EIPR1: variants seen among roughly 807,000 people sequenced by gnomAD.
EIPR1 encodes EARP complex and GARP complex interacting protein 1.
EIPR1 carries 25 observed loss-of-function variants against 48.1 expected under a neutral mutation model. The ratio of observed to expected loss-of-function variants is 0.52; its 90% CI spans 0.38 to 0.73. EIPR1 has a LOEUF of 0.73. Ranked by LOEUF, EIPR1 falls within the 30% of genes least tolerant of loss-of-function variation. The pLI is 0.00. For synonymous variants in EIPR1, 204 were observed against 201.9 expected, an observed-to-expected ratio of 1.01 and a Z score of -0.09; for missense variants, 415 against 506.2, an observed-to-expected ratio of 0.82 and a Z score of 1.73.
chr2:3,248,627 G>A (rs575575286), intron 4 of EIPR1, among the ~76,000 whole-genome samples: 5 of 152,218 alleles, frequency 3.3e-5, no homozygotes, highest in South Asian at 4.1e-4. Flanking sequence ...CTAGCCGGGC[G>A]TGATGGTGGG....
At chr2:3,271,423 G>A (rs954684887) in intron 3 of EIPR1, among the ~76,000 whole-genome samples, 41 of 152,156 alleles carry the variant, frequency 2.7e-4, no homozygotes, top group African/African-American at 9.7e-4. Context: ...CTTAAGACAT[G>A]TATTTCTTAA....
At chr2:3,240,708 A>AC (rs1331952009) in intron 4 of EIPR1, among the ~76,000 whole-genome samples, 6,443 of 137,704 alleles carry the variant, frequency 0.047, no homozygotes, top group Non-Finnish European at 0.058. Flanking sequence ...AAGCCAGCAG[A>AC]TCCCTCCTAA....
chr2:3,274,121 G>A (rs1241869293), intron 3 of EIPR1, among the ~76,000 whole-genome samples: 1 of 152,198 alleles, frequency 6.6e-6, no homozygotes, highest in Non-Finnish European at 1.5e-5. Flanking sequence ...ACACAGCAGA[G>A]ACTGCAGCGT....
At position 3,221,529 on chromosome 2, in the gene EIPR1, C is replaced by G. The variant is rs1572319801; in HGVS notation, c.417-7281G>C. Among the ~76,000 whole-genome samples, 2 of 9,976 alleles carry G rather than the reference C, an allele frequency of 2.0e-4. 1 individual carries two copies. The highest frequency in any genetic ancestry group is 0.021 in the East Asian group (2 of 96). The allele number at this position is 9,976 out of a possible 152,430, so 6.5% of individuals were successfully genotyped here. On this transcript the variant is annotated intron_variant, in intron 4 of 8. Transcript: ENST00000382125. Reference sequence around the variant, plus strand: ...AATGGCCGAGGTACACTCTAGAACACTCACAGTGAGTCGGGAACACACGCA... The same window carrying G: ...AATGGCCGAGGTACACTCTAGAACAGTCACAGTGAGTCGGGAACACACGCA...
chr2:3,209,437 T>C (rs1665362628), intron 5 of EIPR1, among the ~76,000 whole-genome samples: 3 of 152,212 alleles, frequency 2.0e-5, no homozygotes. Context: ...TCGGACTCCG[T>C]GTCCCCCGCA....
At chr2:3,253,443 GA>G (rs1376534285) in intron 4 of EIPR1, among the ~76,000 whole-genome samples, 1 of 152,150 alleles carries the variant, frequency 6.6e-6, no homozygotes, top group East Asian at 1.9e-4. Context: ...ATATTTTACA[GA>G]ACTGGACTCT....
intron 3 of EIPR1, among the ~76,000 whole-genome samples, chr2:3,305,568 A>C (rs566422129): frequency 6.6e-6 from 1 of 151,960 alleles, no homozygotes; most frequent in South Asian, 2.1e-4. Context: ...TCAGCCCTCC[A>C]CTCCTGTCCT....
intron 4 of EIPR1, among the ~76,000 whole-genome samples, chr2:3,226,506 T>C (rs528508949): frequency 1.3e-5 from 2 of 152,366 alleles, no homozygotes; most frequent in East Asian, 1.9e-4. Context: ...GAGTTCCTTA[T>C]GTATTTTGGA....
intron 1 of EIPR1, among the ~76,000 whole-genome samples, chr2:3,358,444 T>C (rs1171399764): frequency 2.0e-5 from 3 of 152,202 alleles, no homozygotes; most frequent in African/African-American, 4.8e-5. Flanking sequence ...AGAATACACA[T>C]GTCTAGAGCA....
chr2:3,362,137 T>C (rs558251574), intron 1 of EIPR1, among the ~76,000 whole-genome samples: 1 of 152,328 alleles, frequency 6.6e-6, no homozygotes, highest in Admixed American at 6.5e-5. Context: ...TCAACTACCG[T>C]TCTGGTCCCT....
chr2:3,209,005 C>T (rs903953424), intron 5 of EIPR1: 19 of 1,454,582 alleles, frequency 1.3e-5, no homozygotes, highest in Middle Eastern at 1.9e-4. Context: ...TCGCCAGAAG[C>T]GGGAACAATA....
chr2:3,235,301 TC>T (rs1348416937), intron 4 of EIPR1, among the ~76,000 whole-genome samples: 7 of 152,266 alleles, frequency 4.6e-5, no homozygotes, highest in Non-Finnish European at 5.9e-5. Context: ...TCCTCCCTCT[TC>T]TTGGCCTCAA....
At chr2:3,326,279 C>T (rs750331661) in intron 3 of EIPR1, among the ~76,000 whole-genome samples, 67 of 152,160 alleles carry the variant, frequency 4.4e-4, no homozygotes, top group Non-Finnish European at 1.3e-4. Flanking sequence ...TCAACTGTGC[C>T]CATTTTACAG....
chr2:3,274,270 A>C (rs1292240315), intron 3 of EIPR1: 1 of 1,521,888 alleles, frequency 6.6e-7, no homozygotes, highest in Admixed American at 2.2e-5. Flanking sequence ...ACCATAATTA[A>C]AAATATATCC....
intron 4 of EIPR1, among the ~76,000 whole-genome samples, chr2:3,232,780 T>C (rs910213816): frequency 6.6e-6 from 1 of 152,208 alleles, no homozygotes; most frequent in Non-Finnish European, 1.5e-5. Flanking sequence ...TGGATGGTTA[T>C]CTACTCCGTC....
intron 4 of EIPR1, among the ~76,000 whole-genome samples, chr2:3,229,843 C>T (rs1219050608): frequency 6.6e-6 from 1 of 152,242 alleles, no homozygotes; most frequent in African/African-American, 2.4e-5. Context: ...GTCATTCCAA[C>T]AGGGTACTCT....
At chr2:3,317,074 C>T (rs902458632) in intron 3 of EIPR1, among the ~76,000 whole-genome samples, 1 of 151,902 alleles carries the variant, frequency 6.6e-6, no homozygotes, top group Admixed American at 6.6e-5. Context: ...GCCCCAGGAG[C>T]GCATGACGCA....
At chr2:3,353,108 T>C in intron 2 of EIPR1, 1 of 395,574 alleles carries the variant, frequency 2.5e-6, no homozygotes. Context: ...TTTTATTAGT[T>C]ATGTTGTTAA....
intron 3 of EIPR1, among the ~76,000 whole-genome samples, chr2:3,276,549 G>A (rs979479703): frequency 6.6e-6 from 1 of 152,206 alleles, no homozygotes. Flanking sequence ...ACCACACAAA[G>A]CTGGGTGTCT....
Sources: gnomAD v4.1 joint callset for allele counts (sites outside exome capture counted in the v4.1 genomes callset) on GRCh38, gnomAD v4.1.1 for gene constraint, MANE v1.5 for transcripts, NCBI Gene and HGNC (gene_info 2026-07-23, HGNC 2026-07-21) for gene names.